KCNC2: variants seen among roughly 807,000 people sequenced by gnomAD.
The protein encoded by KCNC2 is potassium voltage-gated channel subfamily C member 2, also known as voltage-gated potassium channel KCNC2.
Under a neutral mutation model 44.5 loss-of-function variants are expected in KCNC2, and 21 were observed. That is an observed-to-expected ratio of 0.47 (90% CI 0.33 to 0.68). KCNC2 has a LOEUF of 0.68. Ranked by LOEUF, KCNC2 falls within the 30% of genes least tolerant of loss-of-function variation. The pLI is 0.01. For synonymous variants in KCNC2, 391 were observed against 339.1 expected (o/e 1.15, Z -1.68); for missense variants, 589 against 826.2 (o/e 0.71, Z 3.52).
intron 2 of KCNC2, among the ~76,000 whole-genome samples, chr12:75,121,628 G>GT (rs1454513173): frequency 6.6e-6 from 1 of 152,180 alleles, no homozygotes; most frequent in Admixed American, 6.5e-5. Flanking sequence ...TATTAGTTGG[G>GT]TTAATATTCA....
At chr12:75,099,492 T>C (rs540740660) in intron 2 of KCNC2, among the ~76,000 whole-genome samples, 1 of 152,290 alleles carries the variant, frequency 6.6e-6, no homozygotes, top group Non-Finnish European at 1.5e-5. Flanking sequence ...GGTAGACATG[T>C]CTTTGCTTGA....
At chr12:75,105,943 CTT>C (rs1886746986) in intron 2 of KCNC2, among the ~76,000 whole-genome samples, 1 of 150,062 alleles carries the variant, frequency 6.7e-6, no homozygotes, top group African/African-American at 2.5e-5. Context: ...GGGGAGATCA[CTT>C]ATAGAGAGAG....
At chr12:75,129,781 C>T (rs745323821) in intron 2 of KCNC2, among the ~76,000 whole-genome samples, 1 of 152,084 alleles carries the variant, frequency 6.6e-6, no homozygotes, top group Non-Finnish European at 1.5e-5. Flanking sequence ...ACCAATAAGA[C>T]ATTCATGAAA....
chr12:75,049,543 T>C (rs1880941669), intron 3 of KCNC2, among the ~76,000 whole-genome samples: 1 of 152,092 alleles, frequency 6.6e-6, no homozygotes, highest in African/African-American at 2.4e-5. Flanking sequence ...CAATTTCTAG[T>C]CGATCAACTC....
At chr12:75,051,874 CA>C (rs1448432991) in intron 2 of KCNC2, among the ~76,000 whole-genome samples, 1 of 151,872 alleles carries the variant, frequency 6.6e-6, no homozygotes, top group African/African-American at 2.4e-5. Context: ...TAAATTACAT[CA>C]ACTTCAGGTG....
At chr12:75,053,769 TTAAA>T (rs1173606499) in intron 2 of KCNC2, among the ~76,000 whole-genome samples, 22 of 147,532 alleles carry the variant, frequency 1.5e-4, no homozygotes, top group African/African-American at 4.9e-4. Flanking sequence ...ATTTATATAA[TTAAA>T]TAATTATTTT....
intron 2 of KCNC2, among the ~76,000 whole-genome samples, chr12:75,063,124 T>A (rs1362969203): frequency 1.3e-5 from 2 of 152,108 alleles, no homozygotes; most frequent in Non-Finnish European, 2.9e-5. Flanking sequence ...CATTTTTTTT[T>A]ATTCTGCTTT....
intron 2 of KCNC2, among the ~76,000 whole-genome samples, chr12:75,202,628 T>A (rs1323451075): frequency 6.6e-6 from 1 of 151,756 alleles, no homozygotes; most frequent in Non-Finnish European, 1.5e-5. Context: ...ATAAGTACAG[T>A]CTTCATTATA....
chr12:75,146,839 A>T (rs1050210645), intron 2 of KCNC2, among the ~76,000 whole-genome samples: 1 of 152,230 alleles, frequency 6.6e-6, no homozygotes. Flanking sequence ...TATATAATGT[A>T]ACCATTGATT....
chr12:75,203,070 A>G lies in KCNC2; in HGVS notation c.687+4227T>C, dbSNP rs541079059. On this transcript the variant is annotated intron_variant, in intron 2 of 4. Transcript: ENST00000549446. Reference sequence around the variant, plus strand: ...CAACAATATTTTATGAATAAGCTATATTTAGCCATTAATTCTTTTAATTAG... The same window carrying G: ...CAACAATATTTTATGAATAAGCTATGTTTAGCCATTAATTCTTTTAATTAG... Among the ~76,000 whole-genome samples the G allele has an allele frequency of 2.6e-5, 4 of 151,910 alleles. No homozygotes were observed. In the East Asian group the frequency reaches 7.7e-4, roughly 29 times the overall value.
In KCNC2 at chr12:75,041,637, T is replaced by C; in HGVS notation, c.*1468A>G. 4.0e-6 allele frequency: 4 copies of C among 1,012,606 alleles called. No individual in the cohort carries two copies. Among genetic ancestry groups the C allele is most frequent in the Non-Finnish European group, 4.7e-6 (4 of 845,356 alleles). 62.7% of individuals were successfully genotyped at this position (1,012,606 alleles called of 1,614,324 possible). ...TAAATAGACTTTCTTCCACTCAGAC[T>C]GAATATGACTCCCTAAGGATTTTGT... On this transcript the variant is annotated 3_prime_UTR_variant, in exon 5 of 5. Transcript: ENST00000549446.
At chr12:75,111,960 TGAA>T (rs1887286055) in intron 2 of KCNC2, among the ~76,000 whole-genome samples, 1 of 151,362 alleles carries the variant, frequency 6.6e-6, no homozygotes, top group South Asian at 2.1e-4. Flanking sequence ...TATTAAAAAA[TGAA>T]GAAAACTCAA....
chr12:75,041,452 A>T lies in KCNC2; in HGVS notation c.*1653T>A. 2 of 1,264,012 alleles carry T rather than the reference A, an allele frequency of 1.6e-6. No individual in the cohort carries two copies. Among genetic ancestry groups the T allele is most frequent in the Non-Finnish European group, 2.0e-6 (2 of 995,908 alleles). The allele number at this position is 1,264,012 out of a possible 1,614,324, so 78.3% of individuals were successfully genotyped here. A position where few individuals can be genotyped will look rare whatever the true frequency, so the allele number is the denominator to read the frequency against. On this transcript the variant is annotated 3_prime_UTR_variant, in exon 5 of 5. Coordinates refer to ENST00000549446, the MANE Select transcript of KCNC2 (RefSeq NM_139137.4). ...AATAAAAGTGACAATTGTCTTCCTA[A>T]CAAAAAATAAACATGAGAAATAGGA...
intron 2 of KCNC2, among the ~76,000 whole-genome samples, chr12:75,083,789 G>T (rs954575344): frequency 6.6e-6 from 1 of 151,816 alleles, no homozygotes; most frequent in African/African-American, 2.4e-5. Context: ...CCTTTAGAAA[G>T]ATATTTTATA....
intron 2 of KCNC2, among the ~76,000 whole-genome samples, chr12:75,144,638 G>A (rs983819524): frequency 2.6e-3 from 377 of 147,296 alleles, no homozygotes; most frequent in African/African-American, 8.9e-3. Flanking sequence ...GTGTGTGTGT[G>A]TGTATATATA....
At chr12:75,080,928 T>C (rs1884442866) in intron 2 of KCNC2, among the ~76,000 whole-genome samples, 1 of 152,096 alleles carries the variant, frequency 6.6e-6, no homozygotes, top group Non-Finnish European at 1.5e-5. Flanking sequence ...TGTATCAGAA[T>C]TCCCATATAT....
chr12:75,182,246 C>T (rs1034706605), intron 2 of KCNC2, among the ~76,000 whole-genome samples: 3 of 151,610 alleles, frequency 2.0e-5, no homozygotes, highest in African/African-American at 7.3e-5. Flanking sequence ...CTGACTATGG[C>T]CGGGGGTGGT....
intron 2 of KCNC2, among the ~76,000 whole-genome samples, chr12:75,096,346 GA>G (rs1420810111): frequency 6.6e-6 from 1 of 152,010 alleles, no homozygotes; most frequent in East Asian, 1.9e-4. Flanking sequence ...AGCTTTAGTG[GA>G]AGTGGGAAAA....
chr12:75,076,358 C>CG (rs1222899673), intron 2 of KCNC2, among the ~76,000 whole-genome samples: 1 of 151,956 alleles, frequency 6.6e-6, no homozygotes, highest in African/African-American at 2.4e-5. Flanking sequence ...CTGCAAGCTC[C>CG]GCCTCGCGGG....
Sources: allele counts gnomAD v4.1 joint callset (sites outside exome capture counted in the v4.1 genomes callset), GRCh38; gene constraint gnomAD v4.1.1; transcripts MANE v1.5; gene names NCBI Gene and HGNC (gene_info 2026-07-23, HGNC 2026-07-21).